Variants in CTNNA2 observed in about 807,000 individuals in gnomAD.
CTNNA2 encodes the protein catenin alpha 2.
CTNNA2 carries 42 observed loss-of-function variants against 101.0 expected under a neutral mutation model. That is an observed-to-expected ratio of 0.42 (90% CI 0.32 to 0.54). CTNNA2 has a LOEUF of 0.54. CTNNA2 is among the 20% of genes least tolerant of loss of function. The probability of loss-of-function intolerance (pLI) is 0.14; values close to 1 mark genes in which losing one functional copy is unlikely to be tolerated. For missense variants in CTNNA2, 871 were observed against 1,223.1 expected, an observed-to-expected ratio of 0.71 and a Z score of 4.29; for synonymous variants, 450 against 456.4, an observed-to-expected ratio of 0.99 and a Z score of 0.18.
intron 7 of CTNNA2, among the ~76,000 whole-genome samples, chr2:79,945,153 C>T (rs1688410648): frequency 6.6e-6 from 1 of 152,108 alleles, no homozygotes; most frequent in African/African-American, 2.4e-5. Context: ...AGCAGTCCTT[C>T]CACTTCAGTC....
At chr2:79,718,322 G>T (rs1686243894) in intron 2 of CTNNA2, among the ~76,000 whole-genome samples, 1 of 152,128 alleles carries the variant, frequency 6.6e-6, no homozygotes, top group Admixed American at 6.5e-5. Context: ...TCAGTATATT[G>T]TGAGCATATG....
intron 1 of CTNNA2, among the ~76,000 whole-genome samples, chr2:79,562,229 T>A (rs1430035431): frequency 6.6e-6 from 1 of 152,076 alleles, no homozygotes; most frequent in African/African-American, 2.4e-5. Flanking sequence ...ATGTAAGGGT[T>A]ATTTGGGGAA....
chr2:80,434,981 A>G (rs1282073560), intron 9 of CTNNA2, among the ~76,000 whole-genome samples: 1 of 152,096 alleles, frequency 6.6e-6, no homozygotes, highest in African/African-American at 2.4e-5. Flanking sequence ...ATTATTGTGT[A>G]TCAGGGTTTC....
intron 13 of CTNNA2, among the ~76,000 whole-genome samples, chr2:80,578,118 A>T (rs1024995786): frequency 6.6e-6 from 1 of 152,126 alleles, no homozygotes; most frequent in Admixed American, 6.5e-5. Flanking sequence ...AAGCCACATG[A>T]TCTCCCTGGG....
At chr2:79,193,890 G>C (rs945098968) in intron 1 of CTNNA2, among the ~76,000 whole-genome samples, 6 of 152,178 alleles carry the variant, frequency 3.9e-5, no homozygotes, top group African/African-American at 1.2e-4. Flanking sequence ...TAGTTTTGAG[G>C]ATTAAGTGGG....
chr2:79,991,594 T>G (rs1185601732), intron 7 of CTNNA2, among the ~76,000 whole-genome samples: 2 of 152,206 alleles, frequency 1.3e-5, no homozygotes, highest in Non-Finnish European at 2.9e-5. Flanking sequence ...GCAAGCAGCA[T>G]TCAACAAACT....
At chr2:80,053,506 C>T (rs753441621) in intron 7 of CTNNA2, among the ~76,000 whole-genome samples, 6 of 152,198 alleles carry the variant, frequency 3.9e-5, no homozygotes, top group Non-Finnish European at 8.8e-5. Context: ...GGCCATTTGT[C>T]CTTTCTCCAG....
intron 3 of CTNNA2, among the ~76,000 whole-genome samples, chr2:79,813,544 G>T (rs73941319): frequency 0.19 from 29,377 of 152,064 alleles, 3,346 homozygotes; most frequent in African/African-American, 0.32. Flanking sequence ...ATATAATGAT[G>T]ATTCACTATA....
intron 7 of CTNNA2, among the ~76,000 whole-genome samples, chr2:80,192,106 G>A (rs916741176): frequency 6.6e-6 from 1 of 152,108 alleles, no homozygotes; most frequent in Non-Finnish European, 1.5e-5. Flanking sequence ...GGTCTGCAGT[G>A]GTGAATATTC....
At chr2:80,235,437 G>A (rs1709496063) in intron 7 of CTNNA2, among the ~76,000 whole-genome samples, 1 of 152,180 alleles carries the variant, frequency 6.6e-6, no homozygotes, top group Admixed American at 6.5e-5. Context: ...TGCCAGTCAA[G>A]GCCAAGTGTG....
intron 7 of CTNNA2, among the ~76,000 whole-genome samples, chr2:80,033,305 G>A (rs933611154): frequency 6.6e-6 from 1 of 152,136 alleles, no homozygotes. Flanking sequence ...GTTCATACCT[G>A]TAATCCCAGC....
intron 3 of CTNNA2, among the ~76,000 whole-genome samples, chr2:79,822,798 G>A (rs1180512888): frequency 2.0e-5 from 3 of 152,080 alleles, no homozygotes; most frequent in Non-Finnish European, 4.4e-5. Flanking sequence ...AAACACATTA[G>A]GAATCTCTCT....
At chr2:80,028,753 A>G (rs1447012718) in intron 7 of CTNNA2, among the ~76,000 whole-genome samples, 2 of 152,194 alleles carry the variant, frequency 1.3e-5, no homozygotes, top group Admixed American at 1.3e-4. Flanking sequence ...AGAGTTAGAG[A>G]GAGGTGTGAA....
intron 7 of CTNNA2, among the ~76,000 whole-genome samples, chr2:80,149,615 G>C (rs1297556906): frequency 6.6e-6 from 1 of 152,152 alleles, no homozygotes; most frequent in Non-Finnish European, 1.5e-5. Flanking sequence ...CATTTGTGTA[G>C]CATACTTACG....
intron 2 of CTNNA2, among the ~76,000 whole-genome samples, chr2:79,714,818 G>C (rs1445153379): frequency 6.6e-6 from 1 of 151,916 alleles, no homozygotes; most frequent in Admixed American, 6.6e-5. Flanking sequence ...TCTGTTTTTT[G>C]TATAAATTAT....
rs548161255 is a variant in CTNNA2 at position 79,488,245 on chromosome 2, G to T, written c.-134-16809G>T. On this transcript the variant is annotated intron_variant, in intron 4 of 21. Coordinates refer to the CTNNA2 transcript ENST00000466387. Reference sequence around the variant, plus strand: ...AGACAGGAGAATCACTTGAATTCGGGAGGCAGTGTTTGTGGTGAGCTGAGA... The same window carrying T: ...AGACAGGAGAATCACTTGAATTCGGTAGGCAGTGTTTGTGGTGAGCTGAGA... Among the ~76,000 whole-genome samples, 4 of 148,634 alleles carry T rather than the reference G, an allele frequency of 2.7e-5. No homozygotes were observed. In the South Asian group the frequency reaches 8.6e-4, roughly 32 times the overall value.
rs1455079440 is a variant in CTNNA2 at position 80,572,884 on chromosome 2, GCA to G, written c.1742-1274_1742-1273del. 2.0e-5 allele frequency: 3 copies of G among 152,128 alleles called. No individual in the cohort carries two copies. In the East Asian group the frequency reaches 5.8e-4, roughly 29 times the overall value. The allele number at this position is 152,128 out of a possible 1,614,324, so 9.4% of individuals were successfully genotyped here. ...TTCGGTAATTTCTACTAAAGTGTGG[GCA>G]CACAGTTTTCCTCTAACCCTGCTGT... On this transcript the variant is annotated intron_variant, in intron 12 of 18. Transcript: ENST00000402739.
intron 9 of CTNNA2, among the ~76,000 whole-genome samples, chr2:80,459,819 C>T (rs1023903570): frequency 2.6e-5 from 4 of 152,310 alleles, no homozygotes; most frequent in African/African-American, 7.2e-5. Context: ...ATAAAAGCCA[C>T]TCAATTCCCC....
intron 12 of CTNNA2, among the ~76,000 whole-genome samples, chr2:80,569,274 C>T (rs1390984384): frequency 1.3e-5 from 2 of 152,124 alleles, no homozygotes; most frequent in East Asian, 3.9e-4. Flanking sequence ...ACTCTGATTT[C>T]ATTACTCCTA....
Sources: allele counts gnomAD v4.1 joint callset (sites outside exome capture counted in the v4.1 genomes callset), GRCh38; gene constraint gnomAD v4.1.1; transcripts MANE v1.5; gene names NCBI Gene and HGNC (gene_info 2026-07-23, HGNC 2026-07-21).